Variants in RAB38 observed in about 807,000 individuals in gnomAD.
The protein encoded by RAB38 is RAB38, member RAS oncogene family.
Under a neutral mutation model 18.4 loss-of-function variants are expected in RAB38, and 15 were observed. The ratio of observed to expected loss-of-function variants is 0.82; its 90% CI spans 0.55 to 1.26. The LOEUF (loss-of-function observed/expected upper bound fraction) is 1.26, where lower values mean the gene tolerates loss of function less well. Among genes scored for constraint, RAB38 ranks in the 50% most tolerant of loss-of-function variants. The pLI, the probability that RAB38 is intolerant of heterozygous loss-of-function variation, is 0.00. For missense variants in RAB38, 294 were observed against 267.4 expected (o/e 1.10, Z -0.69); for synonymous variants, 101 against 104.4 (o/e 0.97, Z 0.20).
At chr11:87,857,011 C>T in the RAB38 span, among the ~76,000 whole-genome samples, 7 of 151,994 alleles carry the variant, frequency 4.6e-5, no homozygotes, top group Non-Finnish European at 8.8e-5. Flanking sequence ...TATCCCTCCC[C>T]GCTCCCCCCA....
chr11:88,125,252 A>G (rs938329072), intron 2 of RAB38, among the ~76,000 whole-genome samples: 1 of 152,194 alleles, frequency 6.6e-6, no homozygotes, highest in African/African-American at 2.4e-5. Flanking sequence ...TGCCCAACCA[A>G]TATGGCTACA....
At chr11:88,115,814 G>C (rs1182171198) in intron 2 of RAB38, 3 of 152,164 alleles carry the variant, frequency 2.0e-5, no homozygotes, top group Admixed American at 2.0e-4. Context: ...ATGTGAACTT[G>C]CTAGGGACTT....
chr11:88,073,273 T>A, the RAB38 span, among the ~76,000 whole-genome samples: 1 of 152,116 alleles, frequency 6.6e-6, no homozygotes, highest in African/African-American at 2.4e-5. Flanking sequence ...AAAGGAGACA[T>A]CGAAGTGGAT....
the RAB38 span, among the ~76,000 whole-genome samples, chr11:87,897,161 C>G: frequency 6.6e-6 from 1 of 151,670 alleles, no homozygotes; most frequent in South Asian, 2.1e-4. Context: ...ATTTAACCCC[C>G]CCCAAACCAA....
intron 1 of RAB38, among the ~76,000 whole-genome samples, chr11:88,169,976 A>G (rs1943289909): frequency 6.6e-6 from 1 of 152,166 alleles, no homozygotes. Flanking sequence ...ATACATACAT[A>G]TATTTGCTGA....
chr11:87,959,844 T>A, the RAB38 span, among the ~76,000 whole-genome samples: 2 of 152,290 alleles, frequency 1.3e-5, no homozygotes, highest in East Asian at 3.9e-4. Flanking sequence ...GTCAGAAGAA[T>A]CCTGAGTCCT....
chr11:88,170,721 T>C (rs1028548009), intron 1 of RAB38, among the ~76,000 whole-genome samples: 7 of 152,228 alleles, frequency 4.6e-5, no homozygotes, highest in African/African-American at 1.4e-4. Context: ...ATTTTTCTTA[T>C]AGGGTAGATC....
At chr11:87,938,782 A>T in the RAB38 span, among the ~76,000 whole-genome samples, 1 of 151,694 alleles carries the variant, frequency 6.6e-6, no homozygotes, top group African/African-American at 2.4e-5. Flanking sequence ...GTAAGGCGAA[A>T]AGTAAACCCT....
the RAB38 span, among the ~76,000 whole-genome samples, chr11:87,880,790 T>G: frequency 6.6e-6 from 1 of 151,880 alleles, no homozygotes; most frequent in Non-Finnish European, 1.5e-5. Context: ...ATTAATTCAT[T>G]TATTCATTTA....
chr11:87,955,375 G>C, the RAB38 span, among the ~76,000 whole-genome samples: 1 of 152,156 alleles, frequency 6.6e-6, no homozygotes, highest in Non-Finnish European at 1.5e-5. Context: ...GGAAGCGGGA[G>C]GGGTAAGCAT....
chr11:88,035,902 T>C, the RAB38 span, among the ~76,000 whole-genome samples: 1 of 152,108 alleles, frequency 6.6e-6, no homozygotes, highest in East Asian at 1.9e-4. Context: ...TAAATCCTGT[T>C]TGCCTTGATT....
At chr11:88,082,579 G>A in the RAB38 span, among the ~76,000 whole-genome samples, 1 of 151,780 alleles carries the variant, frequency 6.6e-6, no homozygotes, top group African/African-American at 2.4e-5. Flanking sequence ...AGAGCAACAC[G>A]ACTATTCCAG....
At chr11:87,911,688 C>T in the RAB38 span, among the ~76,000 whole-genome samples, 2 of 152,054 alleles carry the variant, frequency 1.3e-5, no homozygotes, top group South Asian at 2.1e-4. Context: ...ATCTTTCTTT[C>T]TAATATGGAT....
the RAB38 span, among the ~76,000 whole-genome samples, chr11:87,925,966 T>G: frequency 1.3e-5 from 2 of 151,920 alleles, no homozygotes; most frequent in East Asian, 3.9e-4. Context: ...GGAACAGCAA[T>G]GTCTTAGTGA....
the RAB38 span, among the ~76,000 whole-genome samples, chr11:87,958,510 A>G: frequency 6.6e-6 from 1 of 152,132 alleles, no homozygotes; most frequent in Non-Finnish European, 1.5e-5. Flanking sequence ...AATGAACCCC[A>G]GGAAGCGAGG....
chr11:88,121,753 G>A (rs991987836), intron 2 of RAB38, among the ~76,000 whole-genome samples: 5 of 152,014 alleles, frequency 3.3e-5, no homozygotes, highest in East Asian at 1.9e-4. Flanking sequence ...TAGTAGAGAC[G>A]GGGTTTCACC....
chr11:88,028,214 CA>C, the RAB38 span, among the ~76,000 whole-genome samples: 1 of 152,134 alleles, frequency 6.6e-6, no homozygotes, highest in African/African-American at 2.4e-5. Flanking sequence ...ACATCCACAC[CA>C]AAAACCCATC....
chr11:88,063,361 T>C, the RAB38 span, among the ~76,000 whole-genome samples: 1 of 152,136 alleles, frequency 6.6e-6, no homozygotes, highest in East Asian at 1.9e-4. Context: ...TTTCCACAAA[T>C]AGAAAGTTGT....
the RAB38 span, among the ~76,000 whole-genome samples, chr11:87,888,301 G>C: frequency 6.6e-6 from 1 of 151,898 alleles, no homozygotes; most frequent in East Asian, 2.0e-4. Context: ...TTCCATTTCA[G>C]ATATGCTCAC....
Sources: gnomAD v4.1 joint callset for allele counts (sites outside exome capture counted in the v4.1 genomes callset) on GRCh38, gnomAD v4.1.1 for gene constraint, MANE v1.5 for transcripts, NCBI Gene and HGNC (gene_info 2026-07-23, HGNC 2026-07-21) for gene names.